Variants in NAXD observed in about 807,000 individuals in gnomAD.
NAXD encodes NAD(P)HX dehydratase.
Under a neutral mutation model 35.8 loss-of-function variants are expected in NAXD, and 22 were observed. That is an observed-to-expected ratio of 0.62 (90% CI 0.44 to 0.88). The LOEUF (loss-of-function observed/expected upper bound fraction) is 0.88. Ranked by LOEUF, NAXD falls within the 40% of genes least tolerant of loss-of-function variation. The pLI, the probability that NAXD is intolerant of heterozygous loss-of-function variation, is 0.00. For missense variants in NAXD, 428 were observed against 437.7 expected, an observed-to-expected ratio of 0.98 and a Z score of 0.20; for synonymous variants, 189 against 177.6, an observed-to-expected ratio of 1.06 and a Z score of -0.51.
At chr13:110,616,629 G>GT (rs1011267729) in intron 1 of NAXD, among the ~76,000 whole-genome samples, 2 of 152,162 alleles carry the variant, frequency 1.3e-5, no homozygotes, top group South Asian at 2.1e-4. Context: ...TCTTCATAGG[G>GT]TTTTTTTGTC....
At chr13:110,625,050 C>A in intron 3 of NAXD, 140 bp from the exon 4 acceptor site, 1 of 634,660 alleles carries the variant, frequency 1.6e-6, no homozygotes, top group Non-Finnish European at 2.8e-6. Flanking sequence ...GCTAAGCCAC[C>A]TGGCTGGGTG....
chr13:110,632,147 C>G (rs1267405880), intron 5 of NAXD, among the ~76,000 whole-genome samples: 1 of 137,312 alleles, frequency 7.3e-6, no homozygotes, highest in Non-Finnish European at 1.6e-5. Context: ...GAGTTTCTTC[C>G]TTCTGGTGGG....
rs751591012 is a variant in NAXD, at chr13:110,635,595, G to C, written c.718+7G>C. 2.5e-6 allele frequency: 4 copies of C among 1,613,676 alleles called. No individual in the cohort carries two copies. In the East Asian group the frequency reaches 8.9e-5, roughly 36 times the overall value. On this transcript the variant is annotated splice_region_variant and intron_variant, in intron 8 of 9. Coordinates refer to ENST00000680254, the MANE Select transcript of NAXD (RefSeq NM_001242882.2). ...CTCTCCAACGGCCAGCAGGGTGAGTGGCGGCTGCCCTCTGTGCATGGGCCA... is the reference window on the plus strand; with the variant it reads ...CTCTCCAACGGCCAGCAGGGTGAGTCGCGGCTGCCCTCTGTGCATGGGCCA...
In NAXD at chr13:110,615,597, G is replaced by C; in HGVS notation, c.-5G>C. 2 of 1,392,528 alleles carry C rather than the reference G, an allele frequency of 1.4e-6. No homozygotes were observed. The highest frequency in any genetic ancestry group is 3.1e-5 in the South Asian group (2 of 65,552). The allele number at this position is 1,392,528 out of a possible 1,614,324, so 86.3% of individuals were successfully genotyped here. On this transcript the variant is annotated 5_prime_UTR_variant, in exon 1 of 10. Coordinates refer to ENST00000680254, the MANE Select transcript of NAXD (RefSeq NM_001242882.2). ...GGGGCAGCTGGGAATCCGGAATGCT[G>C]CCCGATGGCCCTGGGTCCTCGCTGT...
intron 4 of NAXD, among the ~76,000 whole-genome samples, chr13:110,626,496 G>A (rs545446352): frequency 6.7e-6 from 1 of 149,096 alleles, no homozygotes; most frequent in Non-Finnish European, 1.5e-5. Context: ...ACGGGCTTGG[G>A]AGTCATGCAC....
In NAXD at chr13:110,637,150, G is replaced by T; in HGVS notation, c.740G>T (p.Gly247Val). The T allele has an allele frequency of 1.2e-6, 2 of 1,613,668 alleles. No individual in the cohort carries two copies. Among genetic ancestry groups the T allele is most frequent in the Non-Finnish European group, 1.7e-6 (2 of 1,179,862 alleles). The change falls in exon 9 of 10, where the codon GGC becomes GTC. Residue 247 changes from glycine to valine, a missense_variant. Physicochemically the swap from Gly to Val is moderately radical, Grantham distance 109. Coordinates refer to ENST00000680254, the MANE Select transcript of NAXD (RefSeq NM_001242882.2). ...GQQVLVCSQE[G>V]SSRRCGGQGD... ...GCAGTGCTTGTGTGCAGCCAGGAAG[G>T]CAGCAGCCGCAGGTGTGGAGGGCAA...
intron 1 of NAXD, among the ~76,000 whole-genome samples, chr13:110,620,697 C>T (rs911629012): frequency 6.6e-6 from 1 of 152,012 alleles, no homozygotes; most frequent in African/African-American, 2.4e-5. Context: ...AAAGAAAATT[C>T]CTTCAAAAGT....
At chr13:110,624,093 T>C (rs1166473871) in intron 2 of NAXD, 141 bp from the exon 3 acceptor site, 1 of 572,112 alleles carries the variant, frequency 1.7e-6, no homozygotes, top group Non-Finnish European at 3.1e-6. Flanking sequence ...GGGTTTGTGC[T>C]GTGTGCTTCA....
At chr13:110,632,508 C>T (rs577944436) in intron 5 of NAXD, among the ~76,000 whole-genome samples, 344 of 152,270 alleles carry the variant, frequency 2.3e-3, no homozygotes, top group African/African-American at 8.0e-3. Context: ...CCTGTTTTGT[C>T]AGGGCACTGA....
chr13:110,615,630 T>C lies in NAXD; in HGVS notation c.29T>C (p.Ile10Thr). ...GCCCTGGGTCCTCGCTGTGGGGCAA[T>C]CCGGGCTTGCAGACGAGGTAAGGTC... is the stretch of plus-strand genomic sequence containing the variant. Reference protein sequence around the residue: MALGPRCGAIRACRRVLERA... With the variant: MALGPRCGATRACRRVLERA... The change falls in exon 1 of 10, where the codon ATC becomes ACC. Residue 10 changes from isoleucine (I) to threonine (T), a missense_variant. Transcript: ENST00000680254. 1 of 1,483,178 alleles carries C rather than the reference T, an allele frequency of 6.7e-7. No individual in the cohort carries two copies. Among genetic ancestry groups the C allele is most frequent in the Non-Finnish European group, 8.9e-7 (1 of 1,121,606 alleles). 91.9% of individuals were successfully genotyped at this position (1,483,178 alleles called of 1,614,324 possible).
chr13:110,624,127 C>T (rs1886369173), intron 2 of NAXD, 107 bp from the exon 3 acceptor site: 2 of 684,738 alleles, frequency 2.9e-6, no homozygotes. Context: ...TATTGATAAA[C>T]CATGTCTATA....
In NAXD at chr13:110,628,017, A is replaced by G. The variant is rs761756181; in HGVS notation, c.441+470A>G. Among the ~76,000 whole-genome samples the G allele has an allele frequency of 3.3e-4, 51 of 152,356 alleles. No individual in the cohort carries two copies. The highest frequency in any genetic ancestry group is 2.1e-3 in the South Asian group (10 of 4,828). On this transcript the variant is annotated intron_variant, in intron 5 of 9. Coordinates refer to ENST00000680254, the MANE Select transcript of NAXD (RefSeq NM_001242882.2). The surrounding 1 kb of genome is among the most constrained non-coding windows in gnomAD (Gnocchi z 4.1). ...CACGGGCCTGCTTGTCCGTGCCCAC[A>G]TGCATATGCGCATGGACTCTCATTT...
chr13:110,632,548 A>G (rs992061115), intron 5 of NAXD, among the ~76,000 whole-genome samples: 2 of 152,140 alleles, frequency 1.3e-5, no homozygotes, highest in Non-Finnish European at 2.9e-5. Context: ...TGAGCTAGAC[A>G]CAAAGGTTCT....
intron 9 of NAXD, chr13:110,637,664 A>C (rs184818830): frequency 3.9e-4 from 164 of 417,470 alleles, no homozygotes; most frequent in African/African-American, 3.2e-3. Flanking sequence ...TTCTAGGACC[A>C]GGGCCCTTGG....
intron 1 of NAXD, among the ~76,000 whole-genome samples, chr13:110,618,939 A>G (rs1037751521): frequency 6.6e-6 from 1 of 152,208 alleles, no homozygotes; most frequent in Non-Finnish European, 1.5e-5. Context: ...AGATGCGGAG[A>G]GGACAAGCAC....
chr13:110,625,445 A>G (rs542005746), intron 4 of NAXD, among the ~76,000 whole-genome samples, 167 bp downstream of exon 4: 24 of 152,364 alleles, frequency 1.6e-4, no homozygotes, highest in African/African-American at 5.8e-4. Context: ...TTCTGGGGTC[A>G]GAATAAGACA....
intron 8 of NAXD, among the ~76,000 whole-genome samples, chr13:110,635,812 C>T (rs891834157): frequency 1.4e-4 from 21 of 152,238 alleles, no homozygotes; most frequent in Non-Finnish European, 2.4e-4. Flanking sequence ...GCTTTCGAGC[C>T]GTGGGCCTTA....
rs41275124 is a variant in NAXD at position 110,638,281 on chromosome 13, G to C, written c.840-97G>C. The C allele has an allele frequency of 0.043, 68,823 of 1,596,794 alleles. 1,857 individuals carry two copies. The highest frequency in any genetic ancestry group is 0.05 in the Non-Finnish European group (59,114 of 1,172,236). Reference sequence around the variant, plus strand: ...TGAAATTGACAATTTGGGGTCCTGAGATTGAAACAGGAGTCAAAACCAGAG... The same window carrying C: ...TGAAATTGACAATTTGGGGTCCTGACATTGAAACAGGAGTCAAAACCAGAG... On this transcript the variant is annotated intron_variant, in intron 9 of 9. Coordinates refer to ENST00000680254, the MANE Select transcript of NAXD (RefSeq NM_001242882.2). This position sits in a 1 kb window ranked among gnomAD's most constrained non-coding sequence, Gnocchi z 5.4.
intron 1 of NAXD, among the ~76,000 whole-genome samples, chr13:110,620,060 A>C (rs1487510014): frequency 6.6e-6 from 1 of 151,838 alleles, no homozygotes; most frequent in Non-Finnish European, 1.5e-5. Flanking sequence ...TGGCCTCCCA[A>C]AGTGCTGAGA....
Sources: gnomAD v4.1 joint callset for allele counts (sites outside exome capture counted in the v4.1 genomes callset) on GRCh38, gnomAD v4.1.1 for gene constraint, Gnocchi (gnomAD v3.1) non-coding constraint, MANE v1.5 for transcripts, NCBI Gene and HGNC (gene_info 2026-07-23, HGNC 2026-07-21) for gene names.